The following WDR59 variants were observed in gnomAD, a reference collection of about 807,000 sequenced individuals.
WDR59 encodes WD repeat domain 59, also known as GATOR2 complex protein WDR59.
A neutral mutation model predicts 131.2 loss-of-function variants in WDR59; 100 were observed. That is an observed-to-expected ratio of 0.76 (90% CI 0.65 to 0.90). WDR59 has a LOEUF of 0.90. Among genes scored for constraint, WDR59 ranks in the 40% least tolerant of loss-of-function variants. The pLI is 0.00. For synonymous variants in WDR59, 601 were observed against 466.2 expected, an observed-to-expected ratio of 1.29 and a Z score of -3.72; for missense variants, 1,203 against 1,262.2, an observed-to-expected ratio of 0.95 and a Z score of 0.71.
At chr16:74,881,107 A>G (rs1021103720) in intron 25 of WDR59, among the ~76,000 whole-genome samples, 2 of 152,192 alleles carry the variant, frequency 1.3e-5, no homozygotes, top group Admixed American at 6.5e-5. Flanking sequence ...AACAAAAACA[A>G]CAAAAAATCA....
chr16:74,888,861 G>A (rs1964902092), intron 21 of WDR59, among the ~76,000 whole-genome samples: 1 of 152,180 alleles, frequency 6.6e-6, no homozygotes, highest in Non-Finnish European at 1.5e-5. Flanking sequence ...CTGTCCTTTA[G>A]GTACTCATAT....
chr16:74,983,424 G>C (rs960632736), intron 1 of WDR59, among the ~76,000 whole-genome samples: 1 of 152,042 alleles, frequency 6.6e-6, no homozygotes, highest in Non-Finnish European at 1.5e-5. Context: ...AGTGAACCAA[G>C]ATCATGCCAC....
At chr16:74,909,006 C>T in intron 16 of WDR59, 29 bp from the exon 17 acceptor site, 1 of 1,598,918 alleles carries the variant, frequency 6.3e-7, no homozygotes, top group Non-Finnish European at 8.6e-7. Flanking sequence ...CATGAGCCAT[C>T]AGTGTCAACA....
Position 74,917,882 on chromosome 16 carries a change from T to A in WDR59, c.966+47A>T, listed in dbSNP as rs373298202. On this transcript the variant is annotated intron_variant, in intron 11 of 25. Transcript: ENST00000262144. Reference sequence around the variant, plus strand: ...TCCGCAAATCCTGAATCTTACACTTTTTGGTGGATTCAGGTACATTTCTCC... The same window carrying A: ...TCCGCAAATCCTGAATCTTACACTTATTGGTGGATTCAGGTACATTTCTCC... The A allele has an allele frequency of 2.9e-5, 44 of 1,541,000 alleles. No individual in the cohort carries two copies. The African/African-American group carries it at 6.0e-4, about 21-fold the overall frequency.
At chr16:74,951,334 G>A in intron 4 of WDR59, 124 bp downstream of exon 4, 1 of 922,296 alleles carries the variant, frequency 1.1e-6, no homozygotes, top group African/African-American at 1.6e-5. Context: ...ATAACCCGCT[G>A]ACCACCCGGG....
At chr16:74,984,598 C>A in intron 1 of WDR59, 1 of 294,732 alleles carries the variant, frequency 3.4e-6, no homozygotes, top group Non-Finnish European at 6.5e-6. Flanking sequence ...AGTCCCGCGA[C>A]TTGCCTTAAG....
chr16:74,914,098 G>A (rs1966242899), intron 13 of WDR59, among the ~76,000 whole-genome samples: 1 of 152,118 alleles, frequency 6.6e-6, no homozygotes, highest in Non-Finnish European at 1.5e-5. Context: ...CATAATCCCA[G>A]CTATCTGGGA....
intron 18 of WDR59, among the ~76,000 whole-genome samples, chr16:74,899,453 T>C (rs1331529734): frequency 6.6e-6 from 1 of 152,232 alleles, no homozygotes; most frequent in Non-Finnish European, 1.5e-5. Flanking sequence ...CAGCATTAAC[T>C]TTCCTTTGCC....
rs535610320 is a variant in WDR59 at position 74,981,057 on chromosome 16, A to T, written c.54+3907T>A. Among the ~76,000 whole-genome samples, 4 of 133,304 alleles carry T rather than the reference A, an allele frequency of 3.0e-5. No individual in the cohort carries two copies. In the South Asian group the frequency reaches 1.1e-3, roughly 36 times the overall value. The allele number at this position is 133,304 out of a possible 152,430, so 87.5% of individuals were successfully genotyped here. On this transcript the variant is annotated intron_variant, in intron 1 of 25. Transcript: ENST00000262144. Reference sequence around the variant, plus strand: ...AGCCTGAACAAGAACGTAAAGCCCCATCTCTGCAAAAAAAAACACACAAAA... The same window carrying T: ...AGCCTGAACAAGAACGTAAAGCCCCTTCTCTGCAAAAAAAAACACACAAAA...
chr16:74,978,660 T>C (rs2034283109), intron 1 of WDR59, among the ~76,000 whole-genome samples: 1 of 152,110 alleles, frequency 6.6e-6, no homozygotes, highest in African/African-American at 2.4e-5. Flanking sequence ...GATGGAAACG[T>C]TCTACATCAT....
At chr16:74,883,226 T>C (rs1436850176) in intron 25 of WDR59, among the ~76,000 whole-genome samples, 1 of 151,984 alleles carries the variant, frequency 6.6e-6, no homozygotes, top group African/African-American at 2.4e-5. Flanking sequence ...GGTTTCACCA[T>C]GTCGGCCAGG....
rs987534164 is a variant in WDR59, at chr16:74,873,327, G to A, written c.*882C>T. 1 of 152,420 alleles carries A rather than the reference G, an allele frequency of 6.6e-6. No individual in the cohort carries two copies. The highest frequency in any genetic ancestry group is 2.4e-5 in the African/African-American group (1 of 41,586). The allele number at this position is 152,420 out of a possible 1,614,324, so 9.4% of individuals were successfully genotyped here. On this transcript the variant is annotated 3_prime_UTR_variant, in exon 26 of 26. Coordinates refer to ENST00000262144, the MANE Select transcript of WDR59 (RefSeq NM_030581.4). ...TTCTAAAGTGTGGGATTACAGGCAT[G>A]AGCCATGGGGCCTGGCCAGGGAGAC...
intron 1 of WDR59, among the ~76,000 whole-genome samples, chr16:74,970,550 TA>T (rs2033944230): frequency 8.6e-5 from 12 of 139,714 alleles, no homozygotes; most frequent in Non-Finnish European, 1.2e-4. Context: ...AGGACCTCTC[TA>T]AGCAGGTTCC....
intron 9 of WDR59, among the ~76,000 whole-genome samples, chr16:74,923,584 T>C (rs1382859827): frequency 1.3e-5 from 2 of 152,118 alleles, no homozygotes; most frequent in Non-Finnish European, 2.9e-5. Flanking sequence ...TTCAAGCGAT[T>C]CTCCTGCCTC....
intron 4 of WDR59, 21 bp downstream of exon 4, chr16:74,951,436 GC>G (rs1567426029): frequency 6.3e-7 from 1 of 1,579,480 alleles, no homozygotes; most frequent in Non-Finnish European, 8.6e-7. Flanking sequence ...CAGCCAAAGA[GC>G]TGTGGAGGGC....
chr16:74,923,765 A>G (rs1053381869), intron 9 of WDR59, among the ~76,000 whole-genome samples, 161 bp downstream of exon 9: 2 of 152,182 alleles, frequency 1.3e-5, no homozygotes, highest in Non-Finnish European at 2.9e-5. Context: ...TAAGTAGTTA[A>G]CAGCATTTAA....
rs74757656 is a variant in WDR59 at position 74,875,270 on chromosome 16, T to C, written c.2690-826A>G. Among the ~76,000 whole-genome samples the C allele has an allele frequency of 4.5e-3, 681 of 152,312 alleles. 10 individuals carry two copies. The highest frequency in any genetic ancestry group is 0.034 in the Admixed American group (527 of 15,294). ...CCTGCTCTATCTACTCTGCTGGCAA[T>C]AGTCCCCTCATCACCTGACCCTCCT... On this transcript the variant is annotated intron_variant, in intron 25 of 25. Coordinates refer to ENST00000262144, the MANE Select transcript of WDR59 (RefSeq NM_030581.4).
intron 17 of WDR59, among the ~76,000 whole-genome samples, chr16:74,907,066 T>A (rs1323769976): frequency 1.3e-5 from 2 of 152,186 alleles, no homozygotes; most frequent in African/African-American, 4.8e-5. Flanking sequence ...TGTTTTCTAC[T>A]CCAATAAGGA....
intron 8 of WDR59, 61 bp downstream of exon 8, chr16:74,938,089 T>A: frequency 8.5e-7 from 1 of 1,171,026 alleles, no homozygotes; most frequent in Non-Finnish European, 1.2e-6. Context: ...CAAGGTGGAA[T>A]CATACATCCC....
Sources: allele counts gnomAD v4.1 joint callset (sites outside exome capture counted in the v4.1 genomes callset), GRCh38; gene constraint gnomAD v4.1.1; transcripts MANE v1.5; gene names NCBI Gene and HGNC (gene_info 2026-07-23, HGNC 2026-07-21).